Variants in CNTN5 observed in about 807,000 individuals in gnomAD.
CNTN5 encodes the protein contactin-5.
In CNTN5, 77 loss-of-function variants were observed where a neutral mutation model predicts 129.1. The ratio of observed to expected loss-of-function variants is 0.60; its 90% CI spans 0.50 to 0.72. The LOEUF (loss-of-function observed/expected upper bound fraction) is 0.72, where lower values mean the gene tolerates loss of function less well. Ranked by LOEUF, CNTN5 falls within the 30% of genes least tolerant of loss-of-function variation. The pLI, the probability that CNTN5 is intolerant of heterozygous loss-of-function variation, is 0.00. For missense variants in CNTN5, 1,478 were observed against 1,328.8 expected, an observed-to-expected ratio of 1.11 and a Z score of -1.75; for synonymous variants, 509 against 465.6, an observed-to-expected ratio of 1.09 and a Z score of -1.20.
intron 6 of CNTN5, among the ~76,000 whole-genome samples, chr11:99,902,469 A>G (rs997086923): frequency 6.6e-6 from 1 of 152,256 alleles, no homozygotes; most frequent in African/African-American, 2.4e-5. Context: ...TGCTTATGCC[A>G]TAGTTGATTT....
intron 3 of CNTN5, among the ~76,000 whole-genome samples, chr11:99,653,876 G>A (rs899879132): frequency 5.9e-5 from 9 of 151,696 alleles, no homozygotes; most frequent in Non-Finnish European, 1.2e-4. Context: ...TTTCTACAAT[G>A]GATTGTTAGG....
chr11:99,143,739 C>A (rs1390584569), intron 1 of CNTN5, among the ~76,000 whole-genome samples: 1 of 152,126 alleles, frequency 6.6e-6, no homozygotes, highest in Admixed American at 6.5e-5. Flanking sequence ...GAAAGTTAAT[C>A]CCAAATGCCA....
intron 9 of CNTN5, among the ~76,000 whole-genome samples, chr11:100,024,296 C>G (rs1014906576): frequency 1.3e-5 from 2 of 152,124 alleles, no homozygotes; most frequent in Admixed American, 6.5e-5. Flanking sequence ...CACCTTCCCC[C>G]ATGATTGTAA....
intron 3 of CNTN5, among the ~76,000 whole-genome samples, chr11:99,797,276 G>A (rs1945974218): frequency 6.6e-6 from 1 of 152,140 alleles, no homozygotes; most frequent in Non-Finnish European, 1.5e-5. Context: ...CCAGTAATGG[G>A]ACTGATAGGT....
chr11:99,478,833 G>T (rs1349874685), intron 2 of CNTN5, among the ~76,000 whole-genome samples: 1 of 151,980 alleles, frequency 6.6e-6, no homozygotes, highest in East Asian at 1.9e-4. Context: ...GCATTTTATT[G>T]ATTCTATTTA....
At chr11:99,844,494 C>G (rs879060696) in intron 4 of CNTN5, 1 of 315,270 alleles carries the variant, frequency 3.2e-6, no homozygotes, top group South Asian at 2.7e-5. Flanking sequence ...TTTTAACATT[C>G]TAAGAATTTT....
intron 8 of CNTN5, among the ~76,000 whole-genome samples, chr11:99,986,075 A>G (rs2137385476): frequency 6.6e-6 from 1 of 152,262 alleles, no homozygotes; most frequent in South Asian, 2.1e-4. Context: ...TTAAACAATC[A>G]TTTGGCCCCT....
chr11:100,000,568 G>A (rs973473089), intron 8 of CNTN5, among the ~76,000 whole-genome samples: 13 of 152,170 alleles, frequency 8.5e-5, no homozygotes, highest in African/African-American at 3.1e-4. Flanking sequence ...AGTGCAAGCT[G>A]TGGATCCACC....
intron 2 of CNTN5, among the ~76,000 whole-genome samples, chr11:99,484,270 G>GA (rs545545312): frequency 2.6e-5 from 4 of 151,446 alleles, no homozygotes; most frequent in Admixed American, 6.6e-5. Context: ...ACAAATATAT[G>GA]AAAAAAAAGC....
chr11:99,027,931 A>G (rs1863174501), intron 1 of CNTN5, among the ~76,000 whole-genome samples: 1 of 151,740 alleles, frequency 6.6e-6, no homozygotes, highest in Non-Finnish European at 1.5e-5. Context: ...TTAATATTTT[A>G]TCTGAAGTCT....
intron 1 of CNTN5, among the ~76,000 whole-genome samples, chr11:99,310,881 A>G (rs1026268041): frequency 1.3e-5 from 2 of 152,156 alleles, no homozygotes; most frequent in African/African-American, 4.8e-5. Context: ...TAAGATGAGC[A>G]TATACCTTTT....
At chr11:99,188,155 T>C (rs142702744) in intron 1 of CNTN5, among the ~76,000 whole-genome samples, 287 of 152,004 alleles carry the variant, frequency 1.9e-3, no homozygotes, top group African/African-American at 6.5e-3. Flanking sequence ...CATACAGGCA[T>C]ATGACAGTAT....
rs144157845 is a variant in CNTN5, at chr11:99,931,150, G to T, written c.673+15001G>T. On this transcript the variant is annotated intron_variant, in intron 7 of 24. Coordinates refer to ENST00000524871, the MANE Select transcript of CNTN5 (RefSeq NM_014361.4). ...ACATTTTGACATTATTTTAAAATCT[G>T]CAGAGATCATTTTAAAAATATTTTA... is the stretch of plus-strand genomic sequence containing the variant. 8.4e-3 allele frequency among the ~76,000 whole-genome samples: 1,280 copies of T among 152,112 alleles called. 32 individuals are homozygous for T. Among genetic ancestry groups the T allele is most frequent in the East Asian group, 0.075 (389 of 5,170 alleles).
At chr11:99,506,334 T>A (rs1378881351) in intron 2 of CNTN5, among the ~76,000 whole-genome samples, 1 of 152,230 alleles carries the variant, frequency 6.6e-6, no homozygotes, top group Non-Finnish European at 1.5e-5. Context: ...CATGAGACAG[T>A]TATTCTTCCA....
intron 23 of CNTN5, among the ~76,000 whole-genome samples, chr11:100,350,258 A>G (rs2139037236): frequency 6.6e-6 from 1 of 151,838 alleles, no homozygotes. Flanking sequence ...AACCAAGCAT[A>G]ACAGACTCTC....
intron 2 of CNTN5, among the ~76,000 whole-genome samples, chr11:99,534,549 A>G (rs1947832812): frequency 6.6e-6 from 1 of 152,246 alleles, no homozygotes; most frequent in African/African-American, 2.4e-5. Context: ...GCTATAAGTC[A>G]TCATTTAATA....
At chr11:99,395,756 C>T (rs890914109) in intron 2 of CNTN5, among the ~76,000 whole-genome samples, 27 of 152,058 alleles carry the variant, frequency 1.8e-4, no homozygotes, top group African/African-American at 5.1e-4. Flanking sequence ...CAACCTTCTG[C>T]ATATGACTAG....
At chr11:99,188,913 TATC>T (rs765323577) in intron 1 of CNTN5, among the ~76,000 whole-genome samples, 2 of 151,772 alleles carry the variant, frequency 1.3e-5, no homozygotes, top group African/African-American at 2.4e-5. Context: ...TTTTATTAAC[TATC>T]ATCATCATGT....
At chr11:99,305,371 C>A (rs1864828005) in intron 1 of CNTN5, among the ~76,000 whole-genome samples, 2 of 152,086 alleles carry the variant, frequency 1.3e-5, no homozygotes, top group African/African-American at 2.4e-5. Flanking sequence ...CAAAAGCTGG[C>A]AATCTGTAAA....
Sources: allele counts gnomAD v4.1 joint callset (sites outside exome capture counted in the v4.1 genomes callset), GRCh38; gene constraint gnomAD v4.1.1; transcripts MANE v1.5; gene names NCBI Gene and HGNC (gene_info 2026-07-23, HGNC 2026-07-21).